The following DGKB variants were observed in gnomAD, a reference collection of about 807,000 sequenced individuals.
DGKB encodes the protein 90 kDa diacylglycerol kinase.
DGKB carries 67 observed loss-of-function variants against 114.3 expected under a neutral mutation model. That is an observed-to-expected ratio of 0.59 (90% CI 0.48 to 0.72). DGKB has a LOEUF of 0.72. Ranked by LOEUF, DGKB falls within the 30% of genes least tolerant of loss-of-function variation. DGKB has a pLI of 0.00. For synonymous variants in DGKB, 398 were observed against 323.1 expected (o/e 1.23, Z -2.49); for missense variants, 907 against 975.2 (o/e 0.93, Z 0.93).
At chr7:14,901,215 C>T (rs761506220) in intron 1 of DGKB, among the ~76,000 whole-genome samples, 36 of 152,108 alleles carry the variant, frequency 2.4e-4, no homozygotes, top group Admixed American at 2.0e-4. Flanking sequence ...GAAAATTAGC[C>T]AAGACTATTC....
intron 2 of DGKB, among the ~76,000 whole-genome samples, chr7:14,838,583 G>A (rs541606991): frequency 6.6e-6 from 1 of 151,822 alleles, no homozygotes; most frequent in East Asian, 1.9e-4. Context: ...TATTTTCCAA[G>A]ATATCCTCTG....
chr7:14,899,990 T>C (rs1011036416), intron 1 of DGKB, among the ~76,000 whole-genome samples: 5 of 152,128 alleles, frequency 3.3e-5, no homozygotes, highest in Admixed American at 3.3e-4. Flanking sequence ...GAGTTTTTTC[T>C]AAAGGGGAGA....
At position 14,360,448 on chromosome 7, in the gene DGKB, GTATATATA is replaced by G. The variant is rs112459240; in HGVS notation, c.1836-15065_1836-15058del. Among the ~76,000 whole-genome samples the G allele has an allele frequency of 6.8e-5, 10 of 147,034 alleles. No individual in the cohort carries two copies. The East Asian group carries it at 1.2e-3, about 18-fold the overall frequency. ...GTGCACATGTACCCTAGAACTTAAA[GTATATATA>G]TATATATATAAAGAATATAAAGCTC... On this transcript the variant is annotated intron_variant, in intron 21 of 25. Coordinates refer to ENST00000402815, the MANE Select transcript of DGKB (RefSeq NM_001350709.2).
At chr7:14,336,331 G>A (rs1006102281) in intron 23 of DGKB, among the ~76,000 whole-genome samples, 2 of 151,976 alleles carry the variant, frequency 1.3e-5, no homozygotes, top group African/African-American at 4.8e-5. Context: ...AGCTCAAAAG[G>A]TCATTCTTGG....
At chr7:14,686,850 T>C (rs989795959) in intron 9 of DGKB, among the ~76,000 whole-genome samples, 5 of 152,046 alleles carry the variant, frequency 3.3e-5, no homozygotes, top group South Asian at 4.1e-4. Context: ...TTTCTTTTTC[T>C]TTCTTTCTTT....
At chr7:14,217,344 C>T (rs554566873) in intron 23 of DGKB, among the ~76,000 whole-genome samples, 1 of 151,994 alleles carries the variant, frequency 6.6e-6, no homozygotes, top group South Asian at 2.1e-4. Flanking sequence ...TGTTTGCTTC[C>T]TTGGGACGTG....
At chr7:14,344,356 A>C (rs1053983151) in intron 22 of DGKB, among the ~76,000 whole-genome samples, 6 of 151,696 alleles carry the variant, frequency 4.0e-5, no homozygotes, top group African/African-American at 1.2e-4. Context: ...GGTATTATTA[A>C]TAACAGCAAA....
chr7:14,627,137 G>T (rs1040841137), intron 14 of DGKB, among the ~76,000 whole-genome samples: 3 of 152,162 alleles, frequency 2.0e-5, no homozygotes, highest in East Asian at 3.8e-4. Context: ...CAGGTATACT[G>T]CTTGGTCATA....
At chr7:14,275,375 C>T (rs972913864) in intron 23 of DGKB, among the ~76,000 whole-genome samples, 1 of 152,170 alleles carries the variant, frequency 6.6e-6, no homozygotes, top group Non-Finnish European at 1.5e-5. Context: ...GCATTCTTTT[C>T]ACCAAGAATG....
intron 15 of DGKB, among the ~76,000 whole-genome samples, chr7:14,620,736 C>A (rs1037982092): frequency 6.6e-6 from 1 of 151,584 alleles, no homozygotes; most frequent in Admixed American, 6.6e-5. Context: ...TACATTCACC[C>A]CATACAATGT....
At chr7:14,805,118 G>C (rs549067491) in intron 2 of DGKB, among the ~76,000 whole-genome samples, 13 of 151,746 alleles carry the variant, frequency 8.6e-5, no homozygotes, top group African/African-American at 3.1e-4. Flanking sequence ...TTTTTTAGTT[G>C]TCTCCATTCA....
chr7:14,769,271 A>AAAGT (rs1158700933), intron 2 of DGKB, among the ~76,000 whole-genome samples: 1 of 75,942 alleles, frequency 1.3e-5, no homozygotes, highest in African/African-American at 1.1e-4. Flanking sequence ...AGAAAGAAAG[A>AAAGT]AAGAAAGAAA....
chr7:14,151,588 A>G (rs1193557075), intron 25 of DGKB, among the ~76,000 whole-genome samples: 1 of 152,110 alleles, frequency 6.6e-6, no homozygotes, highest in African/African-American at 2.4e-5. Context: ...TCTAGTTTGC[A>G]GTCACTAATC....
At chr7:14,962,545 A>G (rs1040696004) in intron 1 of DGKB, among the ~76,000 whole-genome samples, 2 of 152,078 alleles carry the variant, frequency 1.3e-5, no homozygotes, top group Non-Finnish European at 2.9e-5. Context: ...CTCATTCAAA[A>G]TGTAATGAAA....
intron 1 of DGKB, among the ~76,000 whole-genome samples, chr7:14,900,525 C>T (rs577374723): frequency 6.6e-6 from 1 of 152,142 alleles, no homozygotes; most frequent in South Asian, 2.1e-4. Context: ...AATTAGATTT[C>T]GCGATCAGCA....
rs956602071 is a variant in DGKB, at chr7:14,720,099, C to T, written c.323-1414G>A. 1.1e-4 allele frequency among the ~76,000 whole-genome samples: 16 copies of T among 151,056 alleles called. No homozygotes were observed. In the East Asian group the frequency reaches 1.8e-3, roughly 17 times the overall value. On this transcript the variant is annotated intron_variant, in intron 5 of 25. Transcript: ENST00000402815. ...TCTTAACACAGCACACACACACGCA[C>T]GCACGCACACACACGCACACACACA... is the stretch of plus-strand genomic sequence containing the variant.
In DGKB at chr7:14,807,648, G is replaced by C. The variant is rs560368002; in HGVS notation, c.70+33546C>G. On this transcript the variant is annotated intron_variant, in intron 2 of 25. Coordinates refer to ENST00000402815, the MANE Select transcript of DGKB (RefSeq NM_001350709.2). ...AGAAAGAGATAGATTTGAACATATAGTCCTGGAAATAGCTCAACATGCATC... is the reference window on the plus strand; with the variant it reads ...AGAAAGAGATAGATTTGAACATATACTCCTGGAAATAGCTCAACATGCATC... 2.2e-3 allele frequency among the ~76,000 whole-genome samples: 335 copies of C among 152,070 alleles called. 1 individual carries two copies. The highest frequency in any genetic ancestry group is 7.5e-3 in the African/African-American group (310 of 41,542).
At chr7:14,721,833 T>C (rs559333441) in intron 5 of DGKB, among the ~76,000 whole-genome samples, 8 of 151,680 alleles carry the variant, frequency 5.3e-5, no homozygotes, top group Admixed American at 1.3e-4. Context: ...AAAAAGAAAA[T>C]TGTAGAACAG....
chr7:14,577,534 G>A (rs939420129), intron 19 of DGKB, among the ~76,000 whole-genome samples: 3 of 152,030 alleles, frequency 2.0e-5, no homozygotes, highest in Admixed American at 6.6e-5. Context: ...GGAGAATGGC[G>A]TGAACCCGGG....
Sources: gnomAD v4.1 joint callset for allele counts (sites outside exome capture counted in the v4.1 genomes callset) on GRCh38, gnomAD v4.1.1 for gene constraint, MANE v1.5 for transcripts, NCBI Gene and HGNC (gene_info 2026-07-23, HGNC 2026-07-21) for gene names.